Variants in TULP4 observed in about 807,000 individuals in gnomAD.
The protein encoded by TULP4 is tubby-related protein 4.
Under a neutral mutation model 129.0 loss-of-function variants are expected in TULP4, and 16 were observed. The observed-to-expected ratio is 0.12, with a 90% CI of 0.08 to 0.19. The LOEUF (loss-of-function observed/expected upper bound fraction) is 0.19. TULP4 is among the 10% of genes least tolerant of loss of function. The pLI is 1.00. For missense variants in TULP4, 1,842 were observed against 2,059.1 expected, an observed-to-expected ratio of 0.89 and a Z score of 2.04; for synonymous variants, 998 against 854.0, an observed-to-expected ratio of 1.17 and a Z score of -2.94.
In TULP4 at chr6:158,301,835, A is replaced by G. The variant is rs1779136637; in HGVS notation, n.117-10216A>G. On this transcript the variant is annotated intron_variant and non_coding_transcript_variant, in intron 1 of 1. Transcript: ENST00000432358. The stretch of plus-strand genomic sequence containing the variant: ...AGAGATTGGAATCTCCACACAGCAT[A>G]GAAAACAAGTTAGATGGCGCGTATG... Among the ~76,000 whole-genome samples the G allele has an allele frequency of 2.0e-5, 3 of 151,976 alleles. No homozygotes were observed. The South Asian group carries it at 6.2e-4, about 32-fold the overall frequency.
At chr6:158,291,422 C>A (rs1414459183) in intron 1 of TULP4, among the ~76,000 whole-genome samples, 2 of 152,204 alleles carry the variant, frequency 1.3e-5, no homozygotes, top group Non-Finnish European at 2.9e-5. Context: ...AATTGTCATT[C>A]TTTTGTAAGC....
intron 1 of TULP4, among the ~76,000 whole-genome samples, chr6:158,326,871 T>C (rs1779758053): frequency 6.6e-6 from 1 of 152,210 alleles, no homozygotes; most frequent in Non-Finnish European, 1.5e-5. Context: ...TGGAATTTTT[T>C]CAATCAAATA....
chr6:158,358,384 A>G (rs764734817), intron 1 of TULP4, among the ~76,000 whole-genome samples: 30 of 152,226 alleles, frequency 2.0e-4, no homozygotes, highest in Non-Finnish European at 3.7e-4. Flanking sequence ...ATTTATTTAA[A>G]CAAACCCATC....
chr6:158,264,071 AAAAAC>A (rs1229609895), intron 1 of TULP4, among the ~76,000 whole-genome samples: 21 of 152,222 alleles, frequency 1.4e-4, no homozygotes. Context: ...TCAAAAACAA[AAAAAC>A]AAAACAAAAA....
intron 1 of TULP4, among the ~76,000 whole-genome samples, chr6:158,354,760 C>G (rs1780605765): frequency 2.0e-5 from 3 of 151,688 alleles, no homozygotes; most frequent in African/African-American, 7.3e-5. Flanking sequence ...CAGTGGTGCA[C>G]ACCTATAGTC....
chr6:158,506,373 A>G (rs1484217945), intron 13 of TULP4, among the ~76,000 whole-genome samples: 1 of 151,462 alleles, frequency 6.6e-6, no homozygotes, highest in African/African-American at 2.4e-5. Flanking sequence ...CTGGGACTAC[A>G]GGCGCCCGCC....
intron 1 of TULP4, among the ~76,000 whole-genome samples, chr6:158,253,768 C>G (rs1778190598): frequency 6.6e-6 from 1 of 152,206 alleles, no homozygotes; most frequent in African/African-American, 2.4e-5. Flanking sequence ...AGCATGGTGG[C>G]TCATGCCTTT....
intron 1 of TULP4, among the ~76,000 whole-genome samples, chr6:158,334,938 C>CA (rs2114729192): frequency 6.6e-6 from 1 of 152,316 alleles, no homozygotes; most frequent in Admixed American, 6.5e-5. Context: ...TCTCTGCTGA[C>CA]ACCTTGATCT....
At chr6:158,246,112 A>G (rs1778027265) in intron 1 of TULP4, among the ~76,000 whole-genome samples, 1 of 151,680 alleles carries the variant, frequency 6.6e-6, no homozygotes, top group South Asian at 2.1e-4. Flanking sequence ...ATGGGGACGG[A>G]CTCACAAGGA....
chr6:158,483,425 C>A (rs1377329724), intron 8 of TULP4, among the ~76,000 whole-genome samples: 1 of 152,080 alleles, frequency 6.6e-6, no homozygotes, highest in Non-Finnish European at 1.5e-5. Context: ...CTTGACCTCC[C>A]AGGTTCAAGC....
upstream of TULP4, among the ~76,000 whole-genome samples, chr6:158,308,861 CGGGGCGGCTGGCCGGGTGGGGGGCTG>C (rs1779270674): frequency 1.6e-5 from 2 of 123,062 alleles, no homozygotes; most frequent in South Asian, 2.7e-4. Context: ...ACCTCCCGGA[CGGGGCGGCTGGCCGGGTGGGGGGCTG>C]ACCCCCCCAC....
At chr6:158,476,766 G>T (rs551301453) in intron 6 of TULP4, among the ~76,000 whole-genome samples, 1 of 152,282 alleles carries the variant, frequency 6.6e-6, no homozygotes, top group South Asian at 2.1e-4. Flanking sequence ...GGCCATCTGG[G>T]GCTCACGATT....
At chr6:158,293,154 A>G (rs1778973973) in intron 1 of TULP4, among the ~76,000 whole-genome samples, 1 of 152,238 alleles carries the variant, frequency 6.6e-6, no homozygotes, top group African/African-American at 2.4e-5. Flanking sequence ...TCATATTCTC[A>G]GAATCGGCTA....
chr6:158,309,378 C>G (rs1779293095), upstream of TULP4, among the ~76,000 whole-genome samples: 1 of 148,170 alleles, frequency 6.7e-6, no homozygotes, highest in African/African-American at 2.5e-5. Context: ...GGGATGGCGG[C>G]CGGGCAGAGA....
intron 13 of TULP4, among the ~76,000 whole-genome samples, chr6:158,506,185 G>C (rs1335868687): frequency 6.8e-6 from 1 of 147,670 alleles, no homozygotes. Context: ...TCCATAAGGA[G>C]CCATGCAGAC....
At chr6:158,444,088 C>CAG (rs1778970822) in intron 3 of TULP4, among the ~76,000 whole-genome samples, 1 of 151,644 alleles carries the variant, frequency 6.6e-6, no homozygotes, top group African/African-American at 2.4e-5. Flanking sequence ...GGCGTGGTGG[C>CAG]GCAAGCCTGT....
At position 158,504,192 on chromosome 6, in the gene TULP4, C is replaced by G; in HGVS notation, c.4515+14C>G. ...GAGGGGCGGCAGGTAAGACCTCAGA[C>G]CAGGTGGCGCTGCGAGCCCAGGAGG... On this transcript the variant is annotated intron_variant, in intron 13 of 13. Coordinates refer to ENST00000367097, the MANE Select transcript of TULP4 (RefSeq NM_020245.5). 1 of 1,534,676 alleles carries G rather than the reference C, an allele frequency of 6.5e-7. No individual in the cohort carries two copies. Among genetic ancestry groups the G allele is most frequent in the Non-Finnish European group, 8.8e-7 (1 of 1,136,964 alleles).
intron 1 of TULP4, among the ~76,000 whole-genome samples, chr6:158,392,210 T>A (rs1777599353): frequency 6.6e-6 from 1 of 152,100 alleles, no homozygotes; most frequent in Non-Finnish European, 1.5e-5. Context: ...AACTAATCTT[T>A]TTAAAACCAT....
In TULP4 at chr6:158,236,775, G is replaced by C. The variant is rs1461142015; in HGVS notation, n.68+4472G>C. Among the ~76,000 whole-genome samples the C allele has an allele frequency of 3.7e-5, 5 of 136,870 alleles. No individual in the cohort carries two copies. The Admixed American group carries it at 3.7e-4, about 10-fold the overall frequency. The allele number at this position is 136,870 out of a possible 152,430, so 89.8% of individuals were successfully genotyped here. On this transcript the variant is annotated intron_variant and non_coding_transcript_variant, in intron 1 of 1. Transcript: ENST00000620026. ...AAAGGATACAACAGATACCAAGATG[G>C]GTAAATGCCCAATTCTTTTCTTTTT...
Sources: allele counts gnomAD v4.1 joint callset (sites outside exome capture counted in the v4.1 genomes callset), GRCh38; gene constraint gnomAD v4.1.1; transcripts MANE v1.5; gene names NCBI Gene and HGNC (gene_info 2026-07-23, HGNC 2026-07-21).